The following MFSD6 variants were observed in gnomAD, a reference collection of about 807,000 sequenced individuals.
The protein encoded by MFSD6 is major facilitator superfamily domain containing 6, also known as major facilitator superfamily domain-containing protein 6.
Under a neutral mutation model 56.3 loss-of-function variants are expected in MFSD6, and 26 were observed. The ratio of observed to expected loss-of-function variants is 0.46; its 90% confidence interval spans 0.34 to 0.64. MFSD6 has a LOEUF of 0.64. Among genes scored for constraint, MFSD6 ranks in the 30% least tolerant of loss-of-function variants. The pLI, the probability that MFSD6 is intolerant of heterozygous loss-of-function variation, is 0.01. For synonymous variants in MFSD6, 331 were observed against 366.9 expected, an observed-to-expected ratio of 0.90 and a Z score of 1.12; for missense variants, 750 against 986.2, an observed-to-expected ratio of 0.76 and a Z score of 3.21.
At chr2:190,464,454 G>A (rs114735430) in intron 3 of MFSD6, among the ~76,000 whole-genome samples, 1,699 of 152,136 alleles carry the variant, frequency 0.011, 37 homozygotes, top group African/African-American at 0.038. Context: ...GTTGTTTCTG[G>A]AATAATATCC....
intron 2 of MFSD6, among the ~76,000 whole-genome samples, chr2:190,432,026 T>C (rs1686021991): frequency 6.6e-6 from 1 of 152,236 alleles, no homozygotes; most frequent in African/African-American, 2.4e-5. Context: ...TAGTGTTTCC[T>C]GTTTTGGTTC....
chr2:190,408,075 G>A (rs1690373889), upstream of MFSD6, among the ~76,000 whole-genome samples: 1 of 151,982 alleles, frequency 6.6e-6, no homozygotes, highest in Non-Finnish European at 1.5e-5. Context: ...CCGGGCCGCC[G>A]GGGCGGGCTG....
chr2:190,454,981 TATGTATATGTATATGTATA>T lies in MFSD6; in HGVS notation c.1533-14757_1533-14739del, dbSNP rs200434851. On this transcript the variant is annotated intron_variant, in intron 3 of 7. Transcript: ENST00000392328. The surrounding 1 kb of genome is among the most constrained non-coding windows in gnomAD (Gnocchi z 4.6). ...ATATGTATATGTATATGTATATGTATATGTATATGTATATGTATAATGTATATGTATATGTATATGTGTG... is the reference window on the plus strand; with the variant it reads ...ATATGTATATGTATATGTATATGTATATGTATATGTATATGTATATGTGTG... 0.067 allele frequency among the ~76,000 whole-genome samples: 6,330 copies of T among 94,376 alleles called. 218 individuals are homozygous for T. Among genetic ancestry groups the T allele is most frequent in the South Asian group, 0.12 (287 of 2,366 alleles). The allele number at this position is 94,376 out of a possible 152,430, so 61.9% of individuals were successfully genotyped here.
Position 190,500,203 on chromosome 2 carries a change from C to T in MFSD6, c.2361C>T (p.Ala787=), listed in dbSNP as rs752166022. 183 of 1,613,988 alleles carry T rather than the reference C, an allele frequency of 1.1e-4. No individual in the cohort carries two copies. The highest frequency in any genetic ancestry group is 1.4e-4 in the Non-Finnish European group (164 of 1,180,030). Residue 787 remains alanine (A), a synonymous_variant, in exon 8 of 8, where the codon GCC becomes GCT. Transcript: ENST00000392328. This position sits in a 1 kb window ranked among gnomAD's most constrained non-coding sequence, Gnocchi z 5.3. ...GTGAAGAGCAGCAGGCTCAGCTGGC[C>T]GCGGGAGGACACTGAGGGCATCCTG... The part of the protein sequence containing the change: ...EESEEQQAQL[A]AGGH
At chr2:190,484,646 T>A (rs573061471) in intron 4 of MFSD6, among the ~76,000 whole-genome samples, 97 of 152,314 alleles carry the variant, frequency 6.4e-4, no homozygotes, top group African/African-American at 2.2e-3. Flanking sequence ...TACTAGAAAG[T>A]TGCATGTTCC....
rs966724800 is a variant in MFSD6, at chr2:190,487,778, C to G, written c.1631-879C>G. 2.0e-5 allele frequency among the ~76,000 whole-genome samples: 3 copies of G among 152,186 alleles called. No homozygotes were observed. Among genetic ancestry groups the G allele is most frequent in the African/African-American group, 7.2e-5 (3 of 41,438 alleles). ...AAGGAGGTGGAGAAATTGGATCTCT[C>G]ATACAGTTCAGGTGGGAATGTAAAA... On this transcript the variant is annotated intron_variant, in intron 4 of 7. Transcript: ENST00000392328. This position sits in a 1 kb window ranked among gnomAD's most constrained non-coding sequence, Gnocchi z 5.5.
Position 190,495,612 on chromosome 2 carries a change from A to G in MFSD6, c.1892-1827A>G, listed in dbSNP as rs192047571. 9.8e-5 allele frequency among the ~76,000 whole-genome samples: 15 copies of G among 152,348 alleles called. No individual in the cohort carries two copies. In the East Asian group the frequency reaches 2.9e-3, roughly 29 times the overall value. On this transcript the variant is annotated intron_variant, in intron 6 of 7. Coordinates refer to ENST00000392328, the MANE Select transcript of MFSD6 (RefSeq NM_017694.4). This position sits in a 1 kb window ranked among gnomAD's most constrained non-coding sequence, Gnocchi z 4.7. ...ATTTCAAACTATACTATAAGGCCAT[A>G]GTCACCAAAACAGCATGGTACTGGT... is the stretch of plus-strand genomic sequence containing the variant.
chr2:190,497,392 A>G lies in MFSD6; in HGVS notation c.1892-47A>G. The G allele has an allele frequency of 6.3e-7, 1 of 1,584,730 alleles. No individual in the cohort carries two copies. Among genetic ancestry groups the G allele is most frequent in the Non-Finnish European group, 8.6e-7 (1 of 1,162,542 alleles). On this transcript the variant is annotated intron_variant, in intron 6 of 7. Coordinates refer to ENST00000392328, the MANE Select transcript of MFSD6 (RefSeq NM_017694.4). The surrounding 1 kb of genome is among the most constrained non-coding windows in gnomAD (Gnocchi z 5.2). ...TATTTATTTTTACCTTTGTTCAAAT[A>G]TGTAGAAAATGCTGAAAAAATAGTT...
chr2:190,489,797 A>T lies in MFSD6; in HGVS notation c.1822A>T (p.Met608Leu). 6.2e-7 allele frequency: 1 copy of T among 1,614,168 alleles called. No homozygotes were observed. Among genetic ancestry groups the T allele is most frequent in the East Asian group, 2.2e-5 (1 of 44,890 alleles). Residue 608 changes from methionine to leucine, a missense_variant, in exon 6 of 8, where the codon ATG (methionine) becomes TTG (leucine). Transcript: ENST00000392328. This position sits in a 1 kb window ranked among gnomAD's most constrained non-coding sequence, Gnocchi z 6.6. ...GAAATFRGIGMACLVILLLFA... is the reference protein window; with the variant it reads ...GAAATFRGIGLACLVILLLFA... The stretch of plus-strand genomic sequence containing the variant: ...TGCTGCAACCTTCCGAGGAATTGGC[A>T]TGGCCTGCTTGGTGATCCTACTGCT...
intron 4 of MFSD6, among the ~76,000 whole-genome samples, chr2:190,479,226 T>C (rs542746582): frequency 3.9e-5 from 6 of 152,380 alleles, no homozygotes; most frequent in African/African-American, 1.2e-4. Flanking sequence ...TTCTTTCCCA[T>C]GATCTTTCTC....
upstream of MFSD6, chr2:190,408,281 C>CCCTCCGCCTCCGT (rs1272854663): frequency 1.3e-5 from 2 of 150,820 alleles, no homozygotes; most frequent in Non-Finnish European, 3.0e-5. Flanking sequence ...GAGCGCTGGG[C>CCCTCCGCCTCCGT]CCTCCGCCTC....
rs1690451422 is a variant in MFSD6, at chr2:190,409,210, A to G, written c.-176+707A>G. ...GGGGTTGCTAGTCTTTCTGGGTCAT[A>G]TTTATTGCCCATAGAGCAATTTTCC... On this transcript the variant is annotated intron_variant, in intron 1 of 7. Coordinates refer to ENST00000392328, the MANE Select transcript of MFSD6 (RefSeq NM_017694.4). 2.0e-5 allele frequency among the ~76,000 whole-genome samples: 3 copies of G among 152,048 alleles called. No homozygotes were observed. The South Asian group carries it at 6.2e-4, about 32-fold the overall frequency.
At position 190,416,786 on chromosome 2, in the gene MFSD6, T is replaced by C. The variant is rs766918948; in HGVS notation, c.-54+1373T>C. ...TTTCATTTAAGCTCTAGAATCCTTC[T>C]GGGAGTTAATTGACTTAAGTTTGTA... On this transcript the variant is annotated intron_variant, in intron 2 of 7. Transcript: ENST00000392328. This position sits in a 1 kb window ranked among gnomAD's most constrained non-coding sequence, Gnocchi z 4.1. Among the ~76,000 whole-genome samples, 2 of 152,206 alleles carry C rather than the reference T, an allele frequency of 1.3e-5. No homozygotes were observed. Among genetic ancestry groups the C allele is most frequent in the Non-Finnish European group, 2.9e-5 (2 of 68,030 alleles).
rs1221763191 is a variant in MFSD6, at chr2:190,467,365, C to A, written c.1533-2393C>A. On this transcript the variant is annotated intron_variant, in intron 3 of 7. Coordinates refer to ENST00000392328, the MANE Select transcript of MFSD6 (RefSeq NM_017694.4). This position sits in a 1 kb window ranked among gnomAD's most constrained non-coding sequence, Gnocchi z 5.5. ...AGCTGGCTCATGCCTGTAATTCCAG[C>A]ATTTTGGGAGGCCGAGGTGGGCGGA... Among the ~76,000 whole-genome samples the A allele has an allele frequency of 6.7e-6, 1 of 148,458 alleles. No individual in the cohort carries two copies. The highest frequency in any genetic ancestry group is 2.0e-4 in the East Asian group (1 of 5,070).
intron 4 of MFSD6, chr2:190,477,304 C>G: frequency 1.0e-6 from 1 of 984,716 alleles, no homozygotes; most frequent in South Asian, 4.7e-5. Flanking sequence ...CCTCTGGTTC[C>G]TGTTCTATCC....
rs1347955298 is a variant in MFSD6, at chr2:190,416,307, T to A, written c.-54+894T>A. On this transcript the variant is annotated intron_variant, in intron 2 of 7. Transcript: ENST00000392328. The surrounding 1 kb of genome is among the most constrained non-coding windows in gnomAD (Gnocchi z 4.1). ...TCCAACCCTTAAGAGATCAAAATAA[T>A]TTGTTCCTTTTTCACCCTGTTAGCA... Among the ~76,000 whole-genome samples, 1 of 152,220 alleles carries A rather than the reference T, an allele frequency of 6.6e-6. No homozygotes were observed. Among genetic ancestry groups the A allele is most frequent in the Non-Finnish European group, 1.5e-5 (1 of 68,030 alleles).
intron 2 of MFSD6, among the ~76,000 whole-genome samples, chr2:190,421,154 T>C (rs373722177): frequency 1.3e-5 from 2 of 152,230 alleles, no homozygotes; most frequent in African/African-American, 4.8e-5. Flanking sequence ...AATTAGCATA[T>C]GGGCATCAGT....
chr2:190,440,188 A>T (rs1686320670), intron 3 of MFSD6, among the ~76,000 whole-genome samples: 1 of 152,216 alleles, frequency 6.6e-6, no homozygotes, highest in African/African-American at 2.4e-5. Flanking sequence ...ATCTAGAGTA[A>T]TAATAAGAAA....
At chr2:190,408,566 C>T (rs951683853) in intron 1 of MFSD6, 63 bp downstream of exon 1, 7 of 151,852 alleles carry the variant, frequency 4.6e-5, no homozygotes, top group Non-Finnish European at 1.0e-4. Context: ...CCCCGCCCCG[C>T]ACGGGCCCAG....
Sources: gnomAD v4.1 joint callset for allele counts (sites outside exome capture counted in the v4.1 genomes callset) on GRCh38, gnomAD v4.1.1 for gene constraint, Gnocchi (gnomAD v3.1) non-coding constraint, MANE v1.5 for transcripts, NCBI Gene and HGNC (gene_info 2026-07-23, HGNC 2026-07-21) for gene names.